Variants in MAGI3 observed in about 807,000 individuals in gnomAD.
The protein encoded by MAGI3 is membrane associated guanylate kinase, WW and PDZ domain containing 3, also known as membrane-associated guanylate kinase, WW and PDZ domain-containing protein 3.
A neutral mutation model predicts 121.8 loss-of-function variants in MAGI3; 43 were observed. The ratio of observed to expected loss-of-function variants is 0.35; its 90% confidence interval spans 0.28 to 0.46. MAGI3 has a LOEUF of 0.46. Among genes scored for constraint, MAGI3 ranks in the 20% least tolerant of loss-of-function variants. The pLI, the probability that MAGI3 is intolerant of heterozygous loss-of-function variation, is 1.00. For synonymous variants in MAGI3, 553 were observed against 639.3 expected (o/e 0.86, Z 2.04); for missense variants, 1,547 against 1,797.3 (o/e 0.86, Z 2.52).
Position 113,537,046 on chromosome 1 carries a change from C to T in MAGI3, c.317-12469C>T, listed in dbSNP as rs368007967. Among the ~76,000 whole-genome samples, 4 of 152,272 alleles carry T rather than the reference C, an allele frequency of 2.6e-5. No homozygotes were observed. The South Asian group carries it at 6.2e-4, about 24-fold the overall frequency. ...CTTCTTTACATAAAGCCCATTAGTGCTATTTCTTGACTACCTTTTCAGTTT... is the reference window on the plus strand; with the variant it reads ...CTTCTTTACATAAAGCCCATTAGTGTTATTTCTTGACTACCTTTTCAGTTT... On this transcript the variant is annotated intron_variant, in intron 1 of 20. Transcript: ENST00000307546.
intron 1 of MAGI3, among the ~76,000 whole-genome samples, chr1:113,457,612 T>C (rs896049883): frequency 1.3e-5 from 2 of 152,112 alleles, no homozygotes; most frequent in African/African-American, 4.8e-5. Context: ...GTTCCTGTTC[T>C]TGGTGGTAGG....
rs570520006 is a variant in MAGI3, at chr1:113,474,573, C to T, written c.317-74942C>T. On this transcript the variant is annotated intron_variant, in intron 1 of 20. Transcript: ENST00000307546. ...AGGTTTGTCAAAGATCCGATGGTTGCGGATGTGTGGTGTTATTTCTGAGGG... is the reference window on the plus strand; with the variant it reads ...AGGTTTGTCAAAGATCCGATGGTTGTGGATGTGTGGTGTTATTTCTGAGGG... Among the ~76,000 whole-genome samples, 230 of 152,170 alleles carry T rather than the reference C, an allele frequency of 1.5e-3. 1 individual carries two copies. Among genetic ancestry groups the T allele is most frequent in the Admixed American group, 4.0e-3 (61 of 15,278 alleles).
intron 5 of MAGI3, among the ~76,000 whole-genome samples, chr1:113,591,500 G>T (rs971917782): frequency 6.6e-6 from 1 of 152,088 alleles, no homozygotes; most frequent in African/African-American, 2.4e-5. Flanking sequence ...TCCTCAGATG[G>T]TCCCAATTCC....
At chr1:113,600,050 T>C (rs1217220) in intron 6 of MAGI3, among the ~76,000 whole-genome samples, 59,315 of 152,006 alleles carry the variant, frequency 0.39, 13,337 homozygotes, top group African/African-American at 0.61. Context: ...CTCAATAAAT[T>C]AGGTATTGAT....
chr1:113,619,556 A>C (rs1650691851), intron 7 of MAGI3, among the ~76,000 whole-genome samples, 180 bp from the exon 8 acceptor site: 1 of 152,206 alleles, frequency 6.6e-6, no homozygotes, highest in Admixed American at 6.5e-5. Context: ...CATCTTCTGC[A>C]GGACTTTATT....
intron 1 of MAGI3, among the ~76,000 whole-genome samples, chr1:113,467,854 C>T (rs934605879): frequency 6.6e-6 from 1 of 152,146 alleles, no homozygotes. Flanking sequence ...TATTGTATTG[C>T]AGTCCATCTT....
intron 1 of MAGI3, 139 bp from the exon 2 acceptor site, chr1:113,549,376 T>C (rs1659670135): frequency 2.0e-6 from 1 of 493,690 alleles, no homozygotes. Context: ...TTCTTTTCTT[T>C]TTAGTAAAAT....
At chr1:113,449,324 C>G (rs1043428736) in intron 1 of MAGI3, among the ~76,000 whole-genome samples, 4 of 149,512 alleles carry the variant, frequency 2.7e-5, no homozygotes, top group African/African-American at 9.8e-5. Context: ...TTTGAGGCAG[C>G]AAATAAATCC....
At chr1:113,476,006 T>C (rs933338644) in intron 1 of MAGI3, among the ~76,000 whole-genome samples, 5 of 152,240 alleles carry the variant, frequency 3.3e-5, no homozygotes, top group Non-Finnish European at 5.9e-5. Context: ...TTTTCTAGTT[T>C]ATTTGCGTAG....
chr1:113,660,086 A>G (rs1439017628), intron 16 of MAGI3, among the ~76,000 whole-genome samples: 1 of 151,836 alleles, frequency 6.6e-6, no homozygotes, highest in African/African-American at 2.4e-5. Context: ...TCCTGGTTCT[A>G]CCTTTTGTTT....
chr1:113,449,929 A>G, intron 1 of MAGI3: 1 of 1,519,720 alleles, frequency 6.6e-7, no homozygotes, highest in South Asian at 1.1e-5. Context: ...TGACCACACA[A>G]GGTTGATGGG....
Position 113,422,512 on chromosome 1 carries a change from A to C in MAGI3, c.316+31163A>C, listed in dbSNP as rs1340984109. The stretch of plus-strand genomic sequence containing the variant: ...AGGACAGAGCGGTGAGGGGCATGTG[A>C]GTGAGCGAGTGTGGGGTCTGGCCAC... On this transcript the variant is annotated intron_variant, in intron 1 of 20. Transcript: ENST00000307546. The surrounding 1 kb of genome is among the most constrained non-coding windows in gnomAD (Gnocchi z 4.3). 2.0e-5 allele frequency among the ~76,000 whole-genome samples: 3 copies of C among 152,192 alleles called. No homozygotes were observed. The highest frequency in any genetic ancestry group is 4.4e-5 in the Non-Finnish European group (3 of 68,030).
intron 8 of MAGI3, among the ~76,000 whole-genome samples, chr1:113,621,311 T>C (rs762451569): frequency 8.6e-5 from 13 of 151,870 alleles, no homozygotes; most frequent in Non-Finnish European, 1.5e-4. Flanking sequence ...TGAGAAGAGG[T>C]TGAGTATGTC....
chr1:113,422,776 C>T lies in MAGI3; in HGVS notation c.316+31427C>T, dbSNP rs1300928651. On this transcript the variant is annotated intron_variant, in intron 1 of 20. Transcript: ENST00000307546. This position sits in a 1 kb window ranked among gnomAD's most constrained non-coding sequence, Gnocchi z 4.3. ...TGTGGCGAGTGGGGGAGGCATGTTT[C>T]GGGGGGCATGTTTTGGCCCAATTGT... 6.6e-6 allele frequency among the ~76,000 whole-genome samples: 1 copy of T among 152,092 alleles called. No homozygotes were observed. Among genetic ancestry groups the T allele is most frequent in the Non-Finnish European group, 1.5e-5 (1 of 67,986 alleles).
intron 1 of MAGI3, among the ~76,000 whole-genome samples, chr1:113,537,225 T>C (rs1659048432): frequency 6.6e-6 from 1 of 152,166 alleles, no homozygotes; most frequent in South Asian, 2.1e-4. Flanking sequence ...TAGCTTTATC[T>C]CCGTTTCTCT....
At chr1:113,608,643 C>G (rs998094041) in intron 6 of MAGI3, among the ~76,000 whole-genome samples, 16 of 152,302 alleles carry the variant, frequency 1.1e-4, no homozygotes, top group African/African-American at 3.4e-4. Flanking sequence ...TCAAGAGTCC[C>G]TGAGCCAAGC....
intron 2 of MAGI3, among the ~76,000 whole-genome samples, chr1:113,579,201 A>G (rs1347846919): frequency 6.6e-6 from 1 of 152,166 alleles, no homozygotes; most frequent in Non-Finnish European, 1.5e-5. Context: ...TCAAATCGAC[A>G]TGGTTTCTGC....
At chr1:113,453,473 C>A in intron 1 of MAGI3, among the ~76,000 whole-genome samples, 1 of 152,100 alleles carries the variant, frequency 6.6e-6, no homozygotes, top group East Asian at 1.9e-4. Flanking sequence ...CATAGAAACA[C>A]CCTTTTTGTA....
intron 3 of MAGI3, chr1:113,581,066 G>A (rs1477556374): frequency 6.6e-6 from 1 of 152,066 alleles, no homozygotes; most frequent in African/African-American, 2.4e-5. Flanking sequence ...TAAAATTTGG[G>A]GAGAAAACAA....
Sources: gnomAD v4.1 joint callset for allele counts (sites outside exome capture counted in the v4.1 genomes callset) on GRCh38, gnomAD v4.1.1 for gene constraint, Gnocchi (gnomAD v3.1) non-coding constraint, MANE v1.5 for transcripts, NCBI Gene and HGNC (gene_info 2026-07-23, HGNC 2026-07-21) for gene names.